Variants in CUX1 observed in about 807,000 individuals in gnomAD.
CUX1 encodes cut like homeobox 1, also known as protein CASP.
Under a neutral mutation model 158.8 loss-of-function variants are expected in CUX1, and 31 were observed. That is an observed-to-expected ratio of 0.20 (90% confidence interval 0.15 to 0.26). The LOEUF is 0.26. CUX1 is among the 10% of genes least tolerant of loss of function. The pLI is 1.00. For missense variants in CUX1, 1,589 were observed against 2,014.6 expected (o/e 0.79, Z 4.04); for synonymous variants, 879 against 862.1 (o/e 1.02, Z -0.34).
intron 8 of CUX1, among the ~76,000 whole-genome samples, chr7:102,128,940 T>A (rs1832934907): frequency 6.6e-6 from 1 of 151,688 alleles, no homozygotes; most frequent in South Asian, 2.1e-4. Flanking sequence ...ATCCCGCCAC[T>A]GCACTCCAGC....
chr7:101,816,244 G>C (rs1270086270), upstream of CUX1: 2 of 154,736 alleles, frequency 1.3e-5, no homozygotes, highest in African/African-American at 4.9e-5. Flanking sequence ...CCGAGTCGGG[G>C]CCGAGTCCCT....
At position 102,255,385 on chromosome 7, in the gene CUX1, C is replaced by A. The variant is rs202177089; in HGVS notation, c.*6343C>A. 7.0e-5 allele frequency: 62 copies of A among 886,676 alleles called. No individual in the cohort carries two copies. The highest frequency in any genetic ancestry group is 2.7e-4 in the African/African-American group (14 of 51,984). 54.9% of individuals were successfully genotyped at this position (886,676 alleles called of 1,614,324 possible). On this transcript the variant is annotated 3_prime_UTR_variant, in exon 24 of 24. Coordinates refer to ENST00000292535, the MANE Select transcript of CUX1 (RefSeq NM_181552.4). Reference sequence around the variant, plus strand: ...GTTGGGCATTGTAGGCGAAAAATCCCAAAAAAAAAAAAAGACAAAAAAAAA... The same window carrying A: ...GTTGGGCATTGTAGGCGAAAAATCCAAAAAAAAAAAAAAGACAAAAAAAAA...
intron 2 of CUX1, among the ~76,000 whole-genome samples, chr7:101,974,772 T>C (rs949700222): frequency 2.0e-5 from 3 of 152,110 alleles, no homozygotes; most frequent in African/African-American, 7.2e-5. Context: ...TTAAATTTTA[T>C]AGTAGGAATT....
At chr7:102,224,972 C>T (rs972308398) in intron 20 of CUX1, among the ~76,000 whole-genome samples, 32 of 152,148 alleles carry the variant, frequency 2.1e-4, no homozygotes, top group African/African-American at 7.5e-4. Flanking sequence ...TCTGCCAGGC[C>T]GGCCCCTCGC....
chr7:101,822,499 C>T (rs911909323), intron 1 of CUX1: 1 of 152,190 alleles, frequency 6.6e-6, no homozygotes, highest in Non-Finnish European at 1.5e-5. Context: ...ATTTGTCCTG[C>T]GCCTGAAACA....
chr7:102,108,654 G>A (rs2131040088), intron 6 of CUX1, among the ~76,000 whole-genome samples: 1 of 152,022 alleles, frequency 6.6e-6, no homozygotes, highest in East Asian at 1.9e-4. Context: ...TTTCAAATTA[G>A]GTAAAGGGAT....
intron 21 of CUX1, among the ~76,000 whole-genome samples, chr7:102,233,205 CA>C (rs11348529): frequency 0.92 from 129,332 of 141,128 alleles, 59,426 homozygotes; most frequent in East Asian, 1. Flanking sequence ...TTTTTTGAGA[CA>C]ACGGTCTCTC....
chr7:102,253,738 G>T lies in CUX1; in HGVS notation c.*4696G>T. ...AGACCAGTAAAAACAAAAGCCCATAGACCTTACTCATCCCAAGGCCGACAA... is the reference window on the plus strand; with the variant it reads ...AGACCAGTAAAAACAAAAGCCCATATACCTTACTCATCCCAAGGCCGACAA... On this transcript the variant is annotated 3_prime_UTR_variant, in exon 24 of 24. Transcript: ENST00000292535. The T allele has an allele frequency of 1.0e-6, 1 of 985,456 alleles. No individual in the cohort carries two copies. Among genetic ancestry groups the T allele is most frequent in the Non-Finnish European group, 1.2e-6 (1 of 829,966 alleles). The allele number at this position is 985,456 out of a possible 1,614,324, so 61.0% of individuals were successfully genotyped here.
intron 11 of CUX1, chr7:102,187,179 A>G (rs1447990702): frequency 2.6e-5 from 4 of 152,158 alleles, no homozygotes; most frequent in African/African-American, 9.7e-5. Flanking sequence ...GTGCCCCTAG[A>G]CAGAAACTGT....
In CUX1 at chr7:102,252,407, C is replaced by T. The variant is rs1345421172; in HGVS notation, c.*3365C>T. The T allele has an allele frequency of 3.0e-6, 3 of 985,364 alleles. No individual in the cohort carries two copies. Among genetic ancestry groups the T allele is most frequent in the African/African-American group, 3.5e-5 (2 of 57,238 alleles). The allele number at this position is 985,364 out of a possible 1,614,324, so 61.0% of individuals were successfully genotyped here. A position where few individuals can be genotyped will look rare whatever the true frequency, so the allele number is the denominator to read the frequency against. ...AGCCGACCCCCTTCCTCTTCACGCT[C>T]TATGAGTTTAAAAAGCTGATTTGTA... On this transcript the variant is annotated 3_prime_UTR_variant, in exon 24 of 24. Transcript: ENST00000292535.
chr7:101,908,200 C>T (rs1421483685), intron 1 of CUX1, among the ~76,000 whole-genome samples: 1 of 152,196 alleles, frequency 6.6e-6, no homozygotes, highest in African/African-American at 2.4e-5. Context: ...TTTGCAGTGA[C>T]TAGATTGATT....
chr7:102,179,281 C>T (rs960934112), intron 11 of CUX1, among the ~76,000 whole-genome samples: 2 of 152,194 alleles, frequency 1.3e-5, no homozygotes, highest in African/African-American at 4.8e-5. Flanking sequence ...CTCCTGACCT[C>T]AGGTGATCTG....
At chr7:102,170,272 G>A (rs1791560895) in intron 9 of CUX1, among the ~76,000 whole-genome samples, 174 bp from the exon 10 acceptor site, 1 of 152,278 alleles carries the variant, frequency 6.6e-6, no homozygotes, top group East Asian at 1.9e-4. Flanking sequence ...TCCTTGTACT[G>A]TTTAAAATAA....
At chr7:101,972,218 C>T (rs963292032) in intron 2 of CUX1, among the ~76,000 whole-genome samples, 5 of 152,136 alleles carry the variant, frequency 3.3e-5, no homozygotes, top group Middle Eastern at 3.2e-3. Flanking sequence ...CGCCTGCCTC[C>T]GCCTCCCAAA....
intron 3 of CUX1, among the ~76,000 whole-genome samples, chr7:102,036,088 T>G (rs1821394400): frequency 6.6e-6 from 1 of 152,052 alleles, no homozygotes; most frequent in African/African-American, 2.4e-5. Flanking sequence ...ATTTGTGTAA[T>G]CCCAAGTAGC....
chr7:102,050,023 C>G (rs530964726), intron 3 of CUX1, among the ~76,000 whole-genome samples: 100 of 152,234 alleles, frequency 6.6e-4, no homozygotes, highest in African/African-American at 2.3e-3. Context: ...GACCAGAACA[C>G]CCCCCTGATA....
intron 5 of CUX1, among the ~76,000 whole-genome samples, chr7:102,098,569 A>G (rs1350728047): frequency 1.3e-5 from 2 of 152,010 alleles, no homozygotes; most frequent in African/African-American, 4.8e-5. Flanking sequence ...CATGATTGTG[A>G]CACTGCACTC....
intron 2 of CUX1, among the ~76,000 whole-genome samples, chr7:102,014,817 G>A (rs185245988): frequency 2.5e-4 from 37 of 150,700 alleles, no homozygotes; most frequent in African/African-American, 8.8e-4. Context: ...ATTATGGGCT[G>A]CATTTTTGAT....
intron 8 of CUX1, among the ~76,000 whole-genome samples, chr7:102,152,362 A>G (rs1320988760): frequency 1.3e-5 from 2 of 152,164 alleles, no homozygotes; most frequent in African/African-American, 4.8e-5. Context: ...TATCAAAAAT[A>G]AAAAAGAATT....
Sources: allele counts gnomAD v4.1 joint callset (sites outside exome capture counted in the v4.1 genomes callset), GRCh38; gene constraint gnomAD v4.1.1; transcripts MANE v1.5; gene names NCBI Gene and HGNC (gene_info 2026-07-23, HGNC 2026-07-21).